Variants in ELOVL5 observed in about 807,000 individuals in gnomAD.
ELOVL5 encodes ELOVL fatty acid elongase 5.
Under a neutral mutation model 38.6 loss-of-function variants are expected in ELOVL5, and 8 were observed. That is an observed-to-expected ratio of 0.21 (90% CI 0.12 to 0.37). The LOEUF is 0.37. Among genes scored for constraint, ELOVL5 ranks in the 10% least tolerant of loss-of-function variants. ELOVL5 has a pLI of 1.00. For missense variants in ELOVL5, 280 were observed against 367.8 expected (o/e 0.76, Z 1.95); for synonymous variants, 127 against 133.7 (o/e 0.95, Z 0.34).
intron 1 of ELOVL5, among the ~76,000 whole-genome samples, chr6:53,331,433 T>C (rs1768798211): frequency 6.6e-6 from 1 of 152,242 alleles, no homozygotes; most frequent in African/African-American, 2.4e-5. Context: ...TGGTACGTAA[T>C]TGTATGTGTG....
intron 1 of ELOVL5, among the ~76,000 whole-genome samples, chr6:53,332,337 T>C (rs1355604189): frequency 6.6e-6 from 1 of 152,206 alleles, no homozygotes; most frequent in Non-Finnish European, 1.5e-5. Context: ...GCATAAAAAC[T>C]GAGTTTCTTT....
chr6:53,277,349 G>A (rs958051093), intron 3 of ELOVL5, among the ~76,000 whole-genome samples: 1 of 152,030 alleles, frequency 6.6e-6, no homozygotes, highest in Non-Finnish European at 1.5e-5. Context: ...AAAAAGCACT[G>A]AGAGTTAACA....
At chr6:53,273,497 G>A (rs575016085) in intron 5 of ELOVL5, among the ~76,000 whole-genome samples, 153 bp from the exon 6 acceptor site, 1 of 152,356 alleles carries the variant, frequency 6.6e-6, no homozygotes, top group South Asian at 2.1e-4. Flanking sequence ...AGCAATGCAT[G>A]GATGTGTAAT....
chr6:53,323,723 C>T (rs1022003504), intron 1 of ELOVL5, among the ~76,000 whole-genome samples: 1 of 151,750 alleles, frequency 6.6e-6, no homozygotes, highest in African/African-American at 2.4e-5. Context: ...GCTGGGATTA[C>T]AGGTGCCCAT....
chr6:53,331,598 T>C (rs566700371), intron 1 of ELOVL5, among the ~76,000 whole-genome samples: 26 of 152,294 alleles, frequency 1.7e-4, no homozygotes, highest in African/African-American at 4.8e-4. Flanking sequence ...CACCATTATA[T>C]AGGCAGTTCA....
chr6:53,320,502 A>T (rs1768259612), intron 1 of ELOVL5, among the ~76,000 whole-genome samples: 1 of 151,738 alleles, frequency 6.6e-6, no homozygotes, highest in African/African-American at 2.4e-5. Context: ...CGCCTGGCTA[A>T]TTTTTTGTAT....
In ELOVL5 at chr6:53,348,927, C is replaced by G. The variant is rs1368046841; in HGVS notation, c.-119G>C. ...CGGATGTAGAAGGAGACACCGGTGGCTAGGACCCGCGCGATGGGAAGAGGA... is the reference window on the plus strand; with the variant it reads ...CGGATGTAGAAGGAGACACCGGTGGGTAGGACCCGCGCGATGGGAAGAGGA... On this transcript the variant is annotated 5_prime_UTR_variant, in exon 1 of 8. Transcript: ENST00000304434. 3 of 441,564 alleles carry G rather than the reference C, an allele frequency of 6.8e-6. No homozygotes were observed. The highest frequency in any genetic ancestry group is 1.4e-5 in the Non-Finnish European group (3 of 220,124). 27.4% of individuals were successfully genotyped at this position (441,564 alleles called of 1,614,324 possible). A position where few individuals can be genotyped will look rare whatever the true frequency, so the allele number is the denominator to read the frequency against.
chr6:53,344,557 G>A (rs1184203132), intron 1 of ELOVL5, among the ~76,000 whole-genome samples: 1 of 152,214 alleles, frequency 6.6e-6, no homozygotes, highest in South Asian at 2.1e-4. Context: ...GATCTGAGCT[G>A]GAATGCTTTG....
Position 53,305,967 on chromosome 6 carries a change from C to G in ELOVL5, c.-8-10260G>C, listed in dbSNP as rs1244124659. 6.6e-5 allele frequency among the ~76,000 whole-genome samples: 10 copies of G among 151,546 alleles called. No homozygotes were observed. The East Asian group carries it at 2.0e-3, about 30-fold the overall frequency. On this transcript the variant is annotated intron_variant, in intron 1 of 7. Transcript: ENST00000304434. Reference sequence around the variant, plus strand: ...CTGCAATCCCGGCACCTCGGGATGCCGAGGCTGGCGGATCACTCGCGGTTA... The same window carrying G: ...CTGCAATCCCGGCACCTCGGGATGCGGAGGCTGGCGGATCACTCGCGGTTA...
chr6:53,345,628 A>C (rs1197448313), intron 1 of ELOVL5, among the ~76,000 whole-genome samples: 1 of 152,268 alleles, frequency 6.6e-6, no homozygotes, highest in Non-Finnish European at 1.5e-5. Context: ...AAATGAATCA[A>C]GTGTGGGCTA....
chr6:53,334,103 C>T (rs916656367), intron 1 of ELOVL5, among the ~76,000 whole-genome samples: 1 of 152,126 alleles, frequency 6.6e-6, no homozygotes, highest in Admixed American at 6.5e-5. Context: ...ACTTCTGAAA[C>T]CAAAAACTTT....
At chr6:53,299,974 A>C (rs1158397831) in intron 1 of ELOVL5, among the ~76,000 whole-genome samples, 1 of 152,156 alleles carries the variant, frequency 6.6e-6, no homozygotes, top group Non-Finnish European at 1.5e-5. Flanking sequence ...ATAATTTTCA[A>C]ATTATTGTTC....
intron 1 of ELOVL5, among the ~76,000 whole-genome samples, chr6:53,319,791 C>CT (rs1768222922): frequency 6.6e-6 from 1 of 152,180 alleles, no homozygotes; most frequent in African/African-American, 2.4e-5. Flanking sequence ...AGGGCCCTCT[C>CT]TTGAACTTAT....
At chr6:53,298,270 C>A (rs571529731) in intron 1 of ELOVL5, among the ~76,000 whole-genome samples, 3 of 152,290 alleles carry the variant, frequency 2.0e-5, no homozygotes, top group African/African-American at 7.2e-5. Flanking sequence ...GTCATAAAGG[C>A]TATGACTAAT....
In ELOVL5 at chr6:53,285,967, T is replaced by A. The variant is rs562291524; in HGVS notation, c.246+5809A>T. 4.6e-5 allele frequency among the ~76,000 whole-genome samples: 7 copies of A among 152,296 alleles called. No homozygotes were observed. In the East Asian group the frequency reaches 9.6e-4, roughly 21 times the overall value. On this transcript the variant is annotated intron_variant, in intron 3 of 7. Transcript: ENST00000304434. Reference sequence around the variant, plus strand: ...TTAAGATTTAATGCGATTGCACACTTAATAGACCATAATGTAAACATAACT... The same window carrying A: ...TTAAGATTTAATGCGATTGCACACTAAATAGACCATAATGTAAACATAACT...
intron 1 of ELOVL5, among the ~76,000 whole-genome samples, chr6:53,305,764 C>T (rs900485891): frequency 2.0e-5 from 3 of 151,644 alleles, no homozygotes; most frequent in African/African-American, 2.4e-5. Context: ...AGATGATGGG[C>T]GGCCAGGCAG....
chr6:53,300,426 C>G (rs1050162893), intron 1 of ELOVL5, among the ~76,000 whole-genome samples: 1 of 151,912 alleles, frequency 6.6e-6, no homozygotes, highest in Non-Finnish European at 1.5e-5. Context: ...TAATTACAGA[C>G]AGAAACACAC....
chr6:53,288,342 T>A (rs1032977145), intron 3 of ELOVL5, among the ~76,000 whole-genome samples: 9 of 152,208 alleles, frequency 5.9e-5, no homozygotes, highest in African/African-American at 2.2e-4. Flanking sequence ...GGCATCGTTT[T>A]ACAAAGCTAA....
intron 1 of ELOVL5, among the ~76,000 whole-genome samples, chr6:53,297,873 C>T (rs1479913255): frequency 6.6e-6 from 1 of 152,076 alleles, no homozygotes; most frequent in Non-Finnish European, 1.5e-5. Context: ...TCAGGAGAGA[C>T]AAGAAATTCT....
Sources: allele counts gnomAD v4.1 joint callset (sites outside exome capture counted in the v4.1 genomes callset), GRCh38; gene constraint gnomAD v4.1.1; transcripts MANE v1.5; gene names NCBI Gene and HGNC (gene_info 2026-07-23, HGNC 2026-07-21).